The following SYNDIG1 variants were observed in gnomAD, a reference collection of about 807,000 sequenced individuals.
SYNDIG1 encodes synapse differentiation inducing 1.
SYNDIG1 carries 9 observed loss-of-function variants against 19.4 expected under a neutral mutation model. That is an observed-to-expected ratio of 0.46 (90% CI 0.28 to 0.81). SYNDIG1 has a LOEUF of 0.81. Among genes scored for constraint, SYNDIG1 ranks in the 30% least tolerant of loss-of-function variants. The pLI, the probability that SYNDIG1 is intolerant of heterozygous loss-of-function variation, is 0.12. For missense variants in SYNDIG1, 311 were observed against 343.3 expected (o/e 0.91, Z 0.74); for synonymous variants, 141 against 145.9 (o/e 0.97, Z 0.24).
chr20:24,569,841 G>C (rs2058111945), intron 2 of SYNDIG1, among the ~76,000 whole-genome samples: 1 of 152,156 alleles, frequency 6.6e-6, no homozygotes, highest in African/African-American at 2.4e-5. Flanking sequence ...ACAGGTGCAC[G>C]AATAATGATA....
At chr20:24,495,886 C>G (rs2056289386) in intron 1 of SYNDIG1, 2 of 151,996 alleles carry the variant, frequency 1.3e-5, no homozygotes. Flanking sequence ...ACTCTGTTGC[C>G]CAAGCTGGAG....
At chr20:24,574,923 TGCTTTACCCAGGACAAGCAGAC>T (rs1159513550) in intron 2 of SYNDIG1, among the ~76,000 whole-genome samples, 20 of 152,254 alleles carry the variant, frequency 1.3e-4, no homozygotes, top group African/African-American at 4.8e-4. Flanking sequence ...AATACATTTG[TGCTTTACCCAGGACAAGCAGAC>T]ATTAACAGAG....
chr20:24,654,443 C>G (rs1300523841), intron 3 of SYNDIG1, among the ~76,000 whole-genome samples: 1 of 151,740 alleles, frequency 6.6e-6, no homozygotes, highest in Non-Finnish European at 1.5e-5. Context: ...AGTGAGAGAA[C>G]AAAAAGAGTA....
intron 3 of SYNDIG1, among the ~76,000 whole-genome samples, chr20:24,601,585 T>A (rs1210545016): frequency 1.3e-5 from 2 of 152,196 alleles, no homozygotes; most frequent in Non-Finnish European, 2.9e-5. Flanking sequence ...TTTAATAATA[T>A]TTTTAAAATA....
At chr20:24,540,078 T>G (rs2057439487) in intron 1 of SYNDIG1, among the ~76,000 whole-genome samples, 1 of 152,194 alleles carries the variant, frequency 6.6e-6, no homozygotes, top group African/African-American at 2.4e-5. Flanking sequence ...CACCATGCCC[T>G]GCCTCAGCAA....
chr20:24,575,008 G>A (rs1251569826), intron 2 of SYNDIG1, among the ~76,000 whole-genome samples: 1 of 152,178 alleles, frequency 6.6e-6, no homozygotes, highest in Non-Finnish European at 1.5e-5. Flanking sequence ...TCTCCCTGGA[G>A]CACGGTAGAT....
chr20:24,469,695 G>T lies in SYNDIG1; in HGVS notation c.-137G>T, dbSNP rs1333789546. ...GCCGCACCGCCCCGCACGCTCGCTC[G>T]CTCGGGAGAGTCGCGGGCGGCCGCT... is the stretch of plus-strand genomic sequence containing the variant. On this transcript the variant is annotated 5_prime_UTR_variant, in exon 1 of 4. Coordinates refer to ENST00000376862, the MANE Select transcript of SYNDIG1 (RefSeq NM_024893.3). 1 of 152,086 alleles carries T rather than the reference G, an allele frequency of 6.6e-6. No homozygotes were observed. The highest frequency in any genetic ancestry group is 2.4e-5 in the African/African-American group (1 of 41,404). The allele number at this position is 152,086 out of a possible 1,614,324, so 9.4% of individuals were successfully genotyped here.
chr20:24,470,655 C>G (rs76886441), intron 1 of SYNDIG1, among the ~76,000 whole-genome samples: 2 of 152,152 alleles, frequency 1.3e-5, no homozygotes, highest in Non-Finnish European at 2.9e-5. Context: ...TCCCTATGCG[C>G]TTTTTGCAAG....
chr20:24,565,657 C>T (rs184765979), intron 2 of SYNDIG1, among the ~76,000 whole-genome samples: 3 of 152,280 alleles, frequency 2.0e-5, no homozygotes, highest in Admixed American at 6.5e-5. Flanking sequence ...TTTGCTTTAG[C>T]CGTTTAAAAA....
intron 1 of SYNDIG1, among the ~76,000 whole-genome samples, chr20:24,522,380 T>C (rs1004932456): frequency 6.6e-6 from 1 of 152,186 alleles, no homozygotes; most frequent in Non-Finnish European, 1.5e-5. Context: ...CATGAGCCCA[T>C]GTACCTGGCC....
intron 1 of SYNDIG1, among the ~76,000 whole-genome samples, chr20:24,523,616 C>T (rs2057053801): frequency 1.3e-5 from 2 of 152,126 alleles, no homozygotes; most frequent in African/African-American, 2.4e-5. Context: ...CCAGGTCAAA[C>T]GGATTCTGTC....
intron 2 of SYNDIG1, among the ~76,000 whole-genome samples, chr20:24,551,697 A>G (rs939287191): frequency 6.6e-6 from 1 of 152,054 alleles, no homozygotes; most frequent in East Asian, 1.9e-4. Context: ...TAATTTTTAT[A>G]TAGTTGAAAA....
At chr20:24,526,087 A>G (rs984184956) in intron 1 of SYNDIG1, among the ~76,000 whole-genome samples, 1 of 152,042 alleles carries the variant, frequency 6.6e-6, no homozygotes, top group African/African-American at 2.4e-5. Context: ...CCATCCTTTT[A>G]CTTTTAGCGA....
At chr20:24,630,720 G>A (rs1245097422) in intron 3 of SYNDIG1, among the ~76,000 whole-genome samples, 1 of 152,210 alleles carries the variant, frequency 6.6e-6, no homozygotes, top group Non-Finnish European at 1.5e-5. Flanking sequence ...GAACTTGTCA[G>A]ACCTTCGTCC....
chr20:24,499,147 C>T (rs1465137599), intron 1 of SYNDIG1, among the ~76,000 whole-genome samples: 1 of 152,176 alleles, frequency 6.6e-6, no homozygotes, highest in Non-Finnish European at 1.5e-5. Flanking sequence ...GCCTCAGCCT[C>T]CCGAGTAGCT....
At chr20:24,564,586 G>C (rs1438327512) in intron 2 of SYNDIG1, among the ~76,000 whole-genome samples, 1 of 152,222 alleles carries the variant, frequency 6.6e-6, no homozygotes, top group Admixed American at 6.5e-5. Flanking sequence ...ATTTGTTGGA[G>C]ATGTTGTGGC....
chr20:24,476,709 A>C (rs75609329), intron 1 of SYNDIG1, among the ~76,000 whole-genome samples: 5 of 152,008 alleles, frequency 3.3e-5, no homozygotes, highest in Admixed American at 6.6e-5. Context: ...ACAAAAAAAA[A>C]CTGTGGATAT....
intron 1 of SYNDIG1, among the ~76,000 whole-genome samples, chr20:24,491,272 GT>G (rs1369595911): frequency 6.6e-6 from 1 of 152,220 alleles, no homozygotes; most frequent in Non-Finnish European, 1.5e-5. Flanking sequence ...ATAAAACAAA[GT>G]AAGGGTTGCC....
intron 2 of SYNDIG1, among the ~76,000 whole-genome samples, chr20:24,564,438 T>G (rs543448740): frequency 6.6e-6 from 1 of 152,188 alleles, no homozygotes; most frequent in Non-Finnish European, 1.5e-5. Flanking sequence ...ATCTGAAACA[T>G]TGGTAGTTTG....
Sources: allele counts gnomAD v4.1 joint callset (sites outside exome capture counted in the v4.1 genomes callset), GRCh38; gene constraint gnomAD v4.1.1; transcripts MANE v1.5; gene names NCBI Gene and HGNC (gene_info 2026-07-23, HGNC 2026-07-21).